Variants in ANO1 observed in about 807,000 individuals in gnomAD.
The protein encoded by ANO1 is anoctamin-1.
A neutral mutation model predicts 124.0 loss-of-function variants in ANO1; 59 were observed. That is an observed-to-expected ratio of 0.48 (90% confidence interval 0.39 to 0.59). The LOEUF is 0.59. Among genes scored for constraint, ANO1 ranks in the 20% least tolerant of loss-of-function variants. The probability of loss-of-function intolerance (pLI) is 0.00; values close to 1 mark genes in which losing one functional copy is unlikely to be tolerated. For missense variants in ANO1, 1,059 were observed against 1,328.0 expected (o/e 0.80, Z 3.15); for synonymous variants, 529 against 532.0 (o/e 0.99, Z 0.08).
At chr11:70,158,655 T>C (rs986473197) in intron 16 of ANO1, among the ~76,000 whole-genome samples, 4 of 152,226 alleles carry the variant, frequency 2.6e-5, no homozygotes, top group Non-Finnish European at 5.9e-5. Context: ...GGGCTGTCTT[T>C]GTTTTCTGGG....
At chr11:69,991,515 A>G (rs1856154646) in intron 1 of ANO1, among the ~76,000 whole-genome samples, 1 of 152,212 alleles carries the variant, frequency 6.6e-6, no homozygotes, top group South Asian at 2.1e-4. Context: ...CCAGGGGACC[A>G]CCATGCCACC....
rs532880558 is a variant in ANO1 at position 70,175,815 on chromosome 11, A to C, written c.2351-4189A>C. Among the ~76,000 whole-genome samples the C allele has an allele frequency of 2.0e-5, 3 of 152,334 alleles. No homozygotes were observed. In the South Asian group the frequency reaches 6.2e-4, roughly 32 times the overall value. On this transcript the variant is annotated intron_variant, in intron 22 of 25. Coordinates refer to ENST00000355303, the MANE Select transcript of ANO1 (RefSeq NM_018043.7). ...CCAAGGAATTTACTTGGGGAAGTAA[A>C]AATGAGGCAATTTTCCCCAACAGGG... is the stretch of plus-strand genomic sequence containing the variant.
rs576722367 is a variant in ANO1 at position 70,025,922 on chromosome 11, G to A, written c.58+39756G>A. ...TGATGATGATGGTGGTGGTGGTGAC[G>A]ATGATGATGGTGCTGGTGGTAGTGG... On this transcript the variant is annotated intron_variant, in intron 1 of 27. Coordinates refer to the ANO1 transcript ENST00000531349. Among the ~76,000 whole-genome samples, 86 of 148,888 alleles carry A rather than the reference G, an allele frequency of 5.8e-4. No homozygotes were observed. The South Asian group carries it at 0.011, about 18-fold the overall frequency.
At chr11:70,012,485 T>A (rs1856615762) in intron 1 of ANO1, among the ~76,000 whole-genome samples, 1 of 151,950 alleles carries the variant, frequency 6.6e-6, no homozygotes, top group African/African-American at 2.4e-5. Flanking sequence ...TATCCATTTG[T>A]ACATCTATTC....
At position 70,167,227 on chromosome 11, in the gene ANO1, T is replaced by A. The variant is rs2048289952; in HGVS notation, c.2052-15T>A. On this transcript the variant is annotated splice_polypyrimidine_tract_variant and intron_variant, in intron 20 of 25. Coordinates refer to ENST00000355303, the MANE Select transcript of ANO1 (RefSeq NM_018043.7). ...CCCTCCTGCAAACCTAACTGCATGA[T>A]GTCTCATCTCTCAGGAAGATGAAGA... is the stretch of plus-strand genomic sequence containing the variant. 6.2e-7 allele frequency: 1 copy of A among 1,613,602 alleles called. No homozygotes were observed. The highest frequency in any genetic ancestry group is 1.3e-5 in the African/African-American group (1 of 74,928).
chr11:69,995,103 T>TTTTTTG (rs1554998187), intron 1 of ANO1, among the ~76,000 whole-genome samples: 2,119 of 147,700 alleles, frequency 0.014, 62 homozygotes, highest in African/African-American at 0.043. Flanking sequence ...GTTTTTTTTT[T>TTTTTTG]TTTTTTTTTT....
the ANO1 span, among the ~76,000 whole-genome samples, chr11:69,974,182 G>A: frequency 2.0e-5 from 3 of 151,968 alleles, no homozygotes; most frequent in Non-Finnish European, 2.9e-5. Context: ...AGCCAGGTGT[G>A]GTGGTGGGCA....
At chr11:70,057,042 A>G (rs1857452265) in intron 1 of ANO1, among the ~76,000 whole-genome samples, 1 of 151,220 alleles carries the variant, frequency 6.6e-6, no homozygotes, top group Non-Finnish European at 1.5e-5. Context: ...CATCATATTA[A>G]CAGATGTGTC....
chr11:69,987,435 C>G (rs1424976074), intron 1 of ANO1, among the ~76,000 whole-genome samples: 6 of 152,124 alleles, frequency 3.9e-5, no homozygotes, highest in Non-Finnish European at 7.3e-5. Flanking sequence ...ATTGTGCAGA[C>G]AAAGAAACTG....
intron 1 of ANO1, among the ~76,000 whole-genome samples, chr11:70,045,712 C>A (rs941868716): frequency 1.3e-5 from 2 of 152,088 alleles, no homozygotes; most frequent in Admixed American, 1.3e-4. Flanking sequence ...TCTCTTCCCA[C>A]AATATCCACG....
chr11:69,981,278 G>C (rs1488135870), upstream of ANO1, among the ~76,000 whole-genome samples: 1 of 152,172 alleles, frequency 6.6e-6, no homozygotes, highest in Non-Finnish European at 1.5e-5. Flanking sequence ...CCCACTTACT[G>C]CTGTGTGACC....
rs946431203 is a variant in ANO1 at position 70,067,934 on chromosome 11, C to A, written c.59-10608C>A. 2.0e-5 allele frequency among the ~76,000 whole-genome samples: 3 copies of A among 152,240 alleles called. No homozygotes were observed. The South Asian group carries it at 6.2e-4, about 31-fold the overall frequency. On this transcript the variant is annotated intron_variant, in intron 1 of 27. Coordinates refer to the ANO1 transcript ENST00000531349. ...GGCTGTCAGATTTCTGACTTCCTGGCAGACTATCAGCCTCACACCTGCGGG... is the reference window on the plus strand; with the variant it reads ...GGCTGTCAGATTTCTGACTTCCTGGAAGACTATCAGCCTCACACCTGCGGG...
chr11:70,082,613 G>A (rs1349767900), intron 1 of ANO1, among the ~76,000 whole-genome samples: 1 of 152,194 alleles, frequency 6.6e-6, no homozygotes, highest in Admixed American at 6.5e-5. Context: ...GCACCGAGGG[G>A]TTGCTTGCCC....
chr11:70,042,295 G>T (rs111790439), intron 1 of ANO1, among the ~76,000 whole-genome samples: 24 of 152,258 alleles, frequency 1.6e-4, no homozygotes, highest in African/African-American at 5.8e-4. Context: ...CAAGTTGAAG[G>T]CATGAAAATT....
At chr11:70,139,552 G>C (rs575184621) in intron 11 of ANO1, among the ~76,000 whole-genome samples, 28 of 152,054 alleles carry the variant, frequency 1.8e-4, no homozygotes, top group Admixed American at 1.4e-3. Flanking sequence ...TTGAACTCCT[G>C]ACCTCAGGTG....
chr11:70,074,230 C>T (rs1461934294), upstream of ANO1, among the ~76,000 whole-genome samples: 1 of 152,060 alleles, frequency 6.6e-6, no homozygotes, highest in Non-Finnish European at 1.5e-5. Context: ...TGCTCCTTTC[C>T]CTCCCCTGGG....
chr11:70,160,825 G>A (rs1197714460), intron 16 of ANO1, among the ~76,000 whole-genome samples: 1 of 152,250 alleles, frequency 6.6e-6, no homozygotes, highest in Non-Finnish European at 1.5e-5. Context: ...GCTCCGGGAA[G>A]ATGGTAGCAC....
chr11:70,011,200 A>G (rs1033360123), intron 1 of ANO1, among the ~76,000 whole-genome samples: 2 of 152,082 alleles, frequency 1.3e-5, no homozygotes, highest in African/African-American at 4.8e-5. Flanking sequence ...AGCGTGTGCA[A>G]TGGCCTGGGG....
At chr11:69,976,280 C>T in the ANO1 span, among the ~76,000 whole-genome samples, 8 of 151,974 alleles carry the variant, frequency 5.3e-5, no homozygotes, top group Non-Finnish European at 7.4e-5. Context: ...GAGGCCAGGG[C>T]GGGCGGATCA....
Sources: allele counts gnomAD v4.1 joint callset (sites outside exome capture counted in the v4.1 genomes callset), GRCh38; gene constraint gnomAD v4.1.1; transcripts MANE v1.5; gene names NCBI Gene and HGNC (gene_info 2026-07-23, HGNC 2026-07-21).